OCA2: variants seen among roughly 807,000 people sequenced by gnomAD.
The protein encoded by OCA2 is OCA2 melanosomal transmembrane protein.
OCA2 carries 77 observed loss-of-function variants against 100.2 expected under a neutral mutation model. The observed-to-expected ratio is 0.77, with a 90% CI of 0.64 to 0.93. The LOEUF is 0.93. Ranked by LOEUF, OCA2 falls within the 40% of genes least tolerant of loss-of-function variation. The probability of loss-of-function intolerance (pLI) is 0.00; values close to 1 mark genes in which losing one functional copy is unlikely to be tolerated. For synonymous variants in OCA2, 432 were observed against 439.2 expected (o/e 0.98, Z 0.21); for missense variants, 1,062 against 1,089.1 (o/e 0.98, Z 0.35).
At chr15:27,913,237 C>T (rs2044626) in intron 19 of OCA2, among the ~76,000 whole-genome samples, 8,242 of 151,832 alleles carry the variant, frequency 0.054, 768 homozygotes, top group African/African-American at 0.19. Flanking sequence ...AGTTTTATCA[C>T]GGTTGTATAA....
At chr15:27,803,881 G>GA (rs1057334683) in intron 23 of OCA2, among the ~76,000 whole-genome samples, 2 of 152,150 alleles carry the variant, frequency 1.3e-5, no homozygotes, top group Non-Finnish European at 2.9e-5. Flanking sequence ...TGGTGGGAAT[G>GA]AAAAATGCCA....
chr15:27,857,125 G>A (rs2035975950), intron 21 of OCA2, among the ~76,000 whole-genome samples: 1 of 152,114 alleles, frequency 6.6e-6, no homozygotes, highest in Non-Finnish European at 1.5e-5. Flanking sequence ...GAAACCATAG[G>A]CAAAGAGTTA....
At chr15:27,939,400 T>A (rs561795125) in intron 18 of OCA2, among the ~76,000 whole-genome samples, 2 of 152,212 alleles carry the variant, frequency 1.3e-5, no homozygotes, top group Non-Finnish European at 2.9e-5. Context: ...TGCAGTGATA[T>A]GTAAAATATG....
intron 2 of OCA2, among the ~76,000 whole-genome samples, chr15:28,041,278 A>G (rs1298608492): frequency 1.3e-5 from 2 of 151,764 alleles, no homozygotes; most frequent in Non-Finnish European, 2.9e-5. Context: ...ATCTCAACTG[A>G]TGCAGGAAAA....
At chr15:28,071,189 A>G (rs1270588497) in intron 2 of OCA2, among the ~76,000 whole-genome samples, 2 of 60,352 alleles carry the variant, frequency 3.3e-5, no homozygotes, top group Non-Finnish European at 4.8e-5. Flanking sequence ...AAAAAAAGAA[A>G]AACACCTAGG....
chr15:28,045,814 T>A (rs55934164), intron 2 of OCA2, among the ~76,000 whole-genome samples: 1 of 152,234 alleles, frequency 6.6e-6, no homozygotes, highest in African/African-American at 2.4e-5. Context: ...CAAACTCATA[T>A]ATACTAGTCT....
chr15:28,067,561 T>C (rs2044064254), intron 2 of OCA2, among the ~76,000 whole-genome samples: 1 of 152,180 alleles, frequency 6.6e-6, no homozygotes, highest in Non-Finnish European at 1.5e-5. Flanking sequence ...TAAATAATCA[T>C]TTTTTATTTC....
chr15:27,943,671 TAAAAAAAAA>T lies in OCA2; in HGVS notation c.1951+8104_1951+8112del, dbSNP rs66644405. 7.1e-3 allele frequency among the ~76,000 whole-genome samples: 820 copies of T among 114,890 alleles called. 12 individuals carry two copies. Among genetic ancestry groups the T allele is most frequent in the African/African-American group, 0.024 (765 of 31,520 alleles). 75.4% of individuals were successfully genotyped at this position (114,890 alleles called of 152,430 possible). On this transcript the variant is annotated intron_variant, in intron 18 of 23. Transcript: ENST00000354638. ...GTGCCCTAAAACTTAAAGTATAATT[TAAAAAAAAA>T]AAAAAAAAAAACCTTGGTCTCTGCA... is the stretch of plus-strand genomic sequence containing the variant.
Position 28,028,067 on chromosome 15 carries a change from G to C in OCA2, c.327-8C>G, listed in dbSNP as rs764131203. The C allele has an allele frequency of 1.9e-5, 30 of 1,614,052 alleles. No homozygotes were observed. Among genetic ancestry groups the C allele is most frequent in the Non-Finnish European group, 2.1e-5 (25 of 1,179,980 alleles). On this transcript the variant is annotated splice_polypyrimidine_tract_variant and splice_region_variant and intron_variant, in intron 3 of 23. Coordinates refer to ENST00000354638, the MANE Select transcript of OCA2 (RefSeq NM_000275.3). Reference sequence around the variant, plus strand: ...ACAGGTATGCACCGTGACCTGGAAAGCAAGAGAGGTGTGGTTATCTCTCCT... The same window carrying C: ...ACAGGTATGCACCGTGACCTGGAAACCAAGAGAGGTGTGGTTATCTCTCCT...
At chr15:27,782,117 T>C (rs2032575133) in intron 23 of OCA2, among the ~76,000 whole-genome samples, 1 of 152,246 alleles carries the variant, frequency 6.6e-6, no homozygotes, top group Non-Finnish European at 1.5e-5. Flanking sequence ...TCTCTGAATA[T>C]CATGATAGTC....
intron 19 of OCA2, among the ~76,000 whole-genome samples, chr15:27,883,652 T>C (rs963857952): frequency 2.6e-5 from 4 of 152,092 alleles, no homozygotes; most frequent in African/African-American, 9.7e-5. Flanking sequence ...TCAGCCGGCA[T>C]TTGAGAACCT....
the OCA2 span, among the ~76,000 whole-genome samples, chr15:27,724,302 G>A: frequency 2.5e-4 from 38 of 152,218 alleles, no homozygotes; most frequent in African/African-American, 7.9e-4. Flanking sequence ...GTGAGGGAGA[G>A]TTAGCCCCGG....
At chr15:27,803,334 T>A (rs1356945974) in intron 23 of OCA2, among the ~76,000 whole-genome samples, 1 of 152,180 alleles carries the variant, frequency 6.6e-6, no homozygotes, top group Admixed American at 6.5e-5. Flanking sequence ...CAACCCAGTA[T>A]CCGTTGACAG....
chr15:27,925,266 C>A (rs570325799), intron 19 of OCA2, among the ~76,000 whole-genome samples: 117 of 152,102 alleles, frequency 7.7e-4, no homozygotes, highest in Admixed American at 1.3e-3. Flanking sequence ...GAATGCTCCA[C>A]AAAACAGCAG....
At chr15:27,942,869 AT>A (rs2039699924) in intron 18 of OCA2, among the ~76,000 whole-genome samples, 1 of 152,146 alleles carries the variant, frequency 6.6e-6, no homozygotes, top group African/African-American at 2.4e-5. Context: ...ATTATATTAT[AT>A]TTATCATCAT....
intron 17 of OCA2, among the ~76,000 whole-genome samples, chr15:27,952,939 T>C (rs1339741118): frequency 2.0e-5 from 3 of 152,106 alleles, no homozygotes; most frequent in African/African-American, 7.2e-5. Flanking sequence ...CACCTCTGCC[T>C]CCCAAAGTGC....
chr15:27,897,189 C>CAAA (rs34697199), intron 19 of OCA2, among the ~76,000 whole-genome samples: 4 of 131,326 alleles, frequency 3.0e-5, no homozygotes, highest in African/African-American at 1.1e-4. Flanking sequence ...GACTCCGTCT[C>CAAA]AAAAAAAAAA....
intron 14 of OCA2, among the ~76,000 whole-genome samples, chr15:27,977,553 A>C (rs533730395): frequency 7.9e-5 from 12 of 152,290 alleles, no homozygotes; most frequent in African/African-American, 1.2e-4. Context: ...CCTTTTAAGA[A>C]GTCTACTGAC....
At chr15:27,838,565 G>A (rs2035236742) in intron 23 of OCA2, among the ~76,000 whole-genome samples, 1 of 152,144 alleles carries the variant, frequency 6.6e-6, no homozygotes. Context: ...TAGGCCCATG[G>A]ATACCCAAGG....
Sources: allele counts gnomAD v4.1 joint callset (sites outside exome capture counted in the v4.1 genomes callset), GRCh38; gene constraint gnomAD v4.1.1; transcripts MANE v1.5; gene names NCBI Gene and HGNC (gene_info 2026-07-23, HGNC 2026-07-21).